CTNNA2: variants seen among roughly 807,000 people sequenced by gnomAD.
CTNNA2 encodes catenin alpha-2.
Under a neutral mutation model 101.0 loss-of-function variants are expected in CTNNA2, and 42 were observed. That is an observed-to-expected ratio of 0.42 (90% CI 0.32 to 0.54). CTNNA2 has a LOEUF of 0.54. Among genes scored for constraint, CTNNA2 ranks in the 20% least tolerant of loss-of-function variants. The pLI is 0.14. For synonymous variants in CTNNA2, 450 were observed against 456.4 expected (o/e 0.99, Z 0.18); for missense variants, 871 against 1,223.1 (o/e 0.71, Z 4.29).
chr2:80,631,892 G>A (rs145347868), intron 18 of CTNNA2, among the ~76,000 whole-genome samples: 2,318 of 152,170 alleles, frequency 0.015, 35 homozygotes, highest in Middle Eastern at 0.044. Context: ...TGTTGTTGTT[G>A]TTGTTGAGAA....
At chr2:79,285,332 T>G (rs1464707104) in intron 2 of CTNNA2, among the ~76,000 whole-genome samples, 5 of 150,684 alleles carry the variant, frequency 3.3e-5, no homozygotes, top group African/African-American at 9.7e-5. Context: ...TCTAGTTCCT[T>G]TAATTGTGAT....
intron 9 of CTNNA2, among the ~76,000 whole-genome samples, chr2:80,436,116 T>G (rs1574035387): frequency 1.3e-5 from 2 of 152,306 alleles, no homozygotes; most frequent in Middle Eastern, 3.4e-3. Flanking sequence ...AAGATCATGT[T>G]TATCCCTAGA....
chr2:80,438,693 G>A (rs963103727), intron 9 of CTNNA2, among the ~76,000 whole-genome samples: 2 of 151,156 alleles, frequency 1.3e-5, no homozygotes. Context: ...CTAGAGTCTG[G>A]TCCAGGCTGT....
intron 1 of CTNNA2, among the ~76,000 whole-genome samples, chr2:79,602,650 G>A (rs986871568): frequency 6.6e-6 from 1 of 152,230 alleles, no homozygotes; most frequent in Admixed American, 6.5e-5. Context: ...TAATGAAAGA[G>A]AAAGGTTTCT....
At chr2:80,585,254 G>A (rs189817794) in intron 14 of CTNNA2, among the ~76,000 whole-genome samples, 9 of 152,224 alleles carry the variant, frequency 5.9e-5, no homozygotes, top group Admixed American at 5.2e-4. Flanking sequence ...CTATCTGAAT[G>A]GTTGTTTCCT....
At chr2:79,771,253 G>A (rs143815554) in intron 3 of CTNNA2, among the ~76,000 whole-genome samples, 2,069 of 152,152 alleles carry the variant, frequency 0.014, 21 homozygotes, top group Non-Finnish European at 0.024. Context: ...GCTGATAGTC[G>A]AACCACAGAG....
rs376666945 is a variant in CTNNA2 at position 79,881,710 on chromosome 2, G to A, written c.852+7368G>A. Among the ~76,000 whole-genome samples the A allele has an allele frequency of 3.3e-5, 5 of 151,348 alleles. No homozygotes were observed. In the South Asian group the frequency reaches 6.3e-4, roughly 19 times the overall value. On this transcript the variant is annotated intron_variant, in intron 6 of 18. Transcript: ENST00000402739. ...TGAGCCTATGTGTGTCTTTGCATGC[G>A]AGATGGGTCTCCTGAATACAGCACA... is the stretch of plus-strand genomic sequence containing the variant.
At chr2:79,994,548 T>C (rs749885717) in intron 7 of CTNNA2, among the ~76,000 whole-genome samples, 7 of 152,014 alleles carry the variant, frequency 4.6e-5, no homozygotes, top group Non-Finnish European at 7.4e-5. Context: ...GTGGCAAGAT[T>C]ACTTAAGGCA....
chr2:80,583,365 ACT>A (rs1199980530), intron 14 of CTNNA2, among the ~76,000 whole-genome samples: 1 of 152,072 alleles, frequency 6.6e-6, no homozygotes, highest in Non-Finnish European at 1.5e-5. Flanking sequence ...TTCCTTGCAG[ACT>A]CTATTTAATC....
intron 7 of CTNNA2, among the ~76,000 whole-genome samples, chr2:80,313,997 G>A (rs1677859701): frequency 1.3e-5 from 2 of 152,230 alleles, no homozygotes; most frequent in South Asian, 4.1e-4. Context: ...AGGGAGGCAA[G>A]GAAGAGTAGG....
At chr2:79,520,488 T>C (rs1402191655) in intron 1 of CTNNA2, among the ~76,000 whole-genome samples, 2 of 152,098 alleles carry the variant, frequency 1.3e-5, no homozygotes, top group Non-Finnish European at 2.9e-5. Context: ...ATCATAAAAT[T>C]TAAAAGAAAA....
At chr2:80,418,342 A>G (rs1264786217) in intron 8 of CTNNA2, among the ~76,000 whole-genome samples, 2 of 152,222 alleles carry the variant, frequency 1.3e-5, no homozygotes, top group African/African-American at 2.4e-5. Flanking sequence ...TCAGTAAATG[A>G]CACATTATAC....
chr2:80,443,063 T>A (rs1048537730), intron 9 of CTNNA2, among the ~76,000 whole-genome samples: 5 of 152,194 alleles, frequency 3.3e-5, no homozygotes, highest in African/African-American at 1.2e-4. Flanking sequence ...GAAAGATGAA[T>A]TTGTAGGCCT....
At chr2:79,613,178 C>T (rs1339045001) in intron 1 of CTNNA2, among the ~76,000 whole-genome samples, 1 of 126,532 alleles carries the variant, frequency 7.9e-6, no homozygotes, top group Admixed American at 7.8e-5. Context: ...AAAAAAAAAA[C>T]GATGTTTGTT....
At chr2:79,545,635 A>T (rs1425290266) in intron 1 of CTNNA2, among the ~76,000 whole-genome samples, 1 of 152,196 alleles carries the variant, frequency 6.6e-6, no homozygotes, top group African/African-American at 2.4e-5. Context: ...TTTTAAAAAA[A>T]ATATTATTCA....
intron 12 of CTNNA2, among the ~76,000 whole-genome samples, chr2:80,564,992 A>C (rs1051017362): frequency 6.6e-6 from 1 of 152,222 alleles, no homozygotes; most frequent in Non-Finnish European, 1.5e-5. Flanking sequence ...ACATTTTAAA[A>C]AAGCATTTGA....
intron 2 of CTNNA2, among the ~76,000 whole-genome samples, chr2:79,673,521 C>T (rs1369513396): frequency 6.6e-6 from 1 of 152,066 alleles, no homozygotes; most frequent in Non-Finnish European, 1.5e-5. Context: ...AAAAAATTGA[C>T]CTTGGCTAGA....
At chr2:80,124,863 G>GTCA (rs1702031255) in intron 7 of CTNNA2, among the ~76,000 whole-genome samples, 2 of 152,126 alleles carry the variant, frequency 1.3e-5, no homozygotes, top group South Asian at 4.1e-4. Context: ...ACATGTCGAG[G>GTCA]TCACTGATAG....
At chr2:79,459,514 T>A (rs1206331195) in intron 4 of CTNNA2, among the ~76,000 whole-genome samples, 1 of 152,150 alleles carries the variant, frequency 6.6e-6, no homozygotes, top group African/African-American at 2.4e-5. Context: ...ATAAAGAATA[T>A]ATAATTTTAA....
Sources: gnomAD v4.1 joint callset for allele counts (sites outside exome capture counted in the v4.1 genomes callset) on GRCh38, gnomAD v4.1.1 for gene constraint, MANE v1.5 for transcripts, NCBI Gene and HGNC (gene_info 2026-07-23, HGNC 2026-07-21) for gene names.